The following FGGY variants were observed in gnomAD, a reference collection of about 807,000 sequenced individuals.
The protein encoded by FGGY is FGGY carbohydrate kinase domain-containing protein.
FGGY carries 72 observed loss-of-function variants against 71.3 expected under a neutral mutation model. That is an observed-to-expected ratio of 1.01 (90% CI 0.84 to 1.23). FGGY has a LOEUF of 1.23. FGGY is among the 50% of genes most tolerant of loss of function. FGGY has a pLI of 0.00. For missense variants in FGGY, 668 were observed against 682.3 expected, an observed-to-expected ratio of 0.98 and a Z score of 0.23; for synonymous variants, 251 against 250.3, an observed-to-expected ratio of 1.00 and a Z score of -0.02.
At chr1:59,396,115 A>G (rs933844246) in intron 5 of FGGY, among the ~76,000 whole-genome samples, 2 of 152,148 alleles carry the variant, frequency 1.3e-5, no homozygotes, top group Non-Finnish European at 2.9e-5. Context: ...TGGGAGTGGG[A>G]CCAAATAATT....
In FGGY at chr1:59,603,669, C is replaced by A. The variant is rs114712127; in HGVS notation, c.904-4134C>A. ...GAGTCAGGACTAGAATCACGATGGG[C>A]CTTTGTCCCGACCCATAGTTTCTCT... is the stretch of plus-strand genomic sequence containing the variant. On this transcript the variant is annotated intron_variant, in intron 8 of 15. Coordinates refer to ENST00000303721, the MANE Select transcript of FGGY (RefSeq NM_018291.5). 3.4e-3 allele frequency among the ~76,000 whole-genome samples: 525 copies of A among 152,272 alleles called. 6 individuals carry two copies. The highest frequency in any genetic ancestry group is 0.012 in the African/African-American group (494 of 41,544).
At chr1:59,676,883 T>G (rs1318112941) in intron 14 of FGGY, among the ~76,000 whole-genome samples, 1 of 152,176 alleles carries the variant, frequency 6.6e-6, no homozygotes, top group African/African-American at 2.4e-5. Context: ...AGTCTGGAGC[T>G]CTGTGCTTGC....
Position 59,682,007 on chromosome 1 carries a change from G to A in FGGY, c.1512+7874G>A, listed in dbSNP as rs143105154. ...CTGCAGTGAACCATAAAAAACTAGC[G>A]TGGGATCAGAATCTTGAGTAGCATG... On this transcript the variant is annotated intron_variant, in intron 14 of 15. Coordinates refer to ENST00000303721, the MANE Select transcript of FGGY (RefSeq NM_018291.5). 3.2e-4 allele frequency among the ~76,000 whole-genome samples: 49 copies of A among 152,230 alleles called. No individual in the cohort carries two copies. In the East Asian group the frequency reaches 5.4e-3, roughly 17 times the overall value.
At chr1:59,460,102 G>A (rs376561508) in intron 6 of FGGY, among the ~76,000 whole-genome samples, 1 of 152,044 alleles carries the variant, frequency 6.6e-6, no homozygotes, top group African/African-American at 2.4e-5. Flanking sequence ...GGGTTTCCTC[G>A]ACCCGGGAAG....
intron 8 of FGGY, among the ~76,000 whole-genome samples, chr1:59,588,259 A>G (rs189176888): frequency 6.6e-6 from 1 of 152,266 alleles, no homozygotes; most frequent in African/African-American, 2.4e-5. Flanking sequence ...GAATAAAAAG[A>G]AACGAACAAA....
At chr1:59,657,606 G>T (rs1401070550) in intron 11 of FGGY, among the ~76,000 whole-genome samples, 2 of 152,166 alleles carry the variant, frequency 1.3e-5, no homozygotes, top group Non-Finnish European at 2.9e-5. Context: ...TCATTGCCAG[G>T]ACCACTGCAT....
At chr1:59,700,981 A>G (rs1226796681) in intron 14 of FGGY, among the ~76,000 whole-genome samples, 1 of 152,168 alleles carries the variant, frequency 6.6e-6, no homozygotes, top group Non-Finnish European at 1.5e-5. Context: ...TGTGTTGAGT[A>G]AGGAGAATAC....
chr1:59,381,628 CGTGTGTGTGTGTGTGTGTGTGTGTGT>C (rs113981398), intron 5 of FGGY, among the ~76,000 whole-genome samples: 1 of 143,206 alleles, frequency 7.0e-6, no homozygotes, highest in Non-Finnish European at 1.5e-5. Flanking sequence ...ATGTATAACT[CGTGTGTGTGTGTGTGTGTGTGTGTGT>C]GTGTGTGTGT....
chr1:59,741,117 T>A (rs2098143239), intron 14 of FGGY, among the ~76,000 whole-genome samples: 1 of 152,244 alleles, frequency 6.6e-6, no homozygotes, highest in Admixed American at 6.5e-5. Context: ...ACAGTGCTGC[T>A]GTAAACCTTT....
chr1:59,461,741 G>A (rs1381740973), intron 6 of FGGY, among the ~76,000 whole-genome samples: 2 of 152,166 alleles, frequency 1.3e-5, no homozygotes, highest in African/African-American at 4.8e-5. Flanking sequence ...CTACCAGCCA[G>A]AAGAGAGTGG....
At chr1:59,358,926 G>T (rs1298000292) in intron 4 of FGGY, among the ~76,000 whole-genome samples, 1 of 152,192 alleles carries the variant, frequency 6.6e-6, no homozygotes, top group Non-Finnish European at 1.5e-5. Context: ...GAGGATGGAG[G>T]GAGTTAAGTA....
At position 59,360,375 on chromosome 1, in the gene FGGY, A is replaced by G. The variant is rs1476189522; in HGVS notation, c.465+13977A>G. Among the ~76,000 whole-genome samples the G allele has an allele frequency of 2.6e-5, 4 of 152,266 alleles. No homozygotes were observed. The East Asian group carries it at 7.7e-4, about 29-fold the overall frequency. Reference sequence around the variant, plus strand: ...TTGGCTTTGGCTGGGAGTCACAGACAAGCCCACGGACCTGAGAAAGAGAGT... The same window carrying G: ...TTGGCTTTGGCTGGGAGTCACAGACGAGCCCACGGACCTGAGAAAGAGAGT... On this transcript the variant is annotated intron_variant, in intron 4 of 15. Transcript: ENST00000303721.
intron 10 of FGGY, among the ~76,000 whole-genome samples, chr1:59,629,447 T>C (rs2096888438): frequency 6.6e-6 from 1 of 152,188 alleles, no homozygotes. Context: ...TAGGAGTCTT[T>C]AGTTATAATG....
intron 12 of FGGY, among the ~76,000 whole-genome samples, chr1:59,666,356 C>G (rs541655941): frequency 6.6e-6 from 1 of 152,322 alleles, no homozygotes; most frequent in East Asian, 1.9e-4. Context: ...CATGTGGCTG[C>G]CCCCTTATGG....
chr1:59,557,607 CAG>C (rs774640658), intron 8 of FGGY, among the ~76,000 whole-genome samples: 3 of 152,140 alleles, frequency 2.0e-5, no homozygotes, highest in Non-Finnish European at 2.9e-5. Flanking sequence ...ATTTAATTAA[CAG>C]GGGAAAAATG....
At chr1:59,748,658 A>G (rs2098220357) in intron 14 of FGGY, among the ~76,000 whole-genome samples, 1 of 152,222 alleles carries the variant, frequency 6.6e-6, no homozygotes. Flanking sequence ...AAGCGATGGA[A>G]CACTGTTGCA....
intron 14 of FGGY, among the ~76,000 whole-genome samples, chr1:59,702,032 G>A (rs1213667026): frequency 4.6e-5 from 7 of 152,182 alleles, no homozygotes; most frequent in Admixed American, 2.6e-4. Context: ...TACAGTCATG[G>A]TGGAGGGTGA....
At chr1:59,644,912 G>A (rs2097076759) in intron 11 of FGGY, among the ~76,000 whole-genome samples, 1 of 151,978 alleles carries the variant, frequency 6.6e-6, no homozygotes. Flanking sequence ...AGGAGGCAGA[G>A]GTTGCCGTGG....
intron 6 of FGGY, among the ~76,000 whole-genome samples, chr1:59,478,994 G>A (rs527591179): frequency 6.6e-6 from 1 of 152,340 alleles, no homozygotes; most frequent in East Asian, 1.9e-4. Context: ...ATAATAGTGA[G>A]GCAGAAGATA....
Sources: gnomAD v4.1 joint callset for allele counts (sites outside exome capture counted in the v4.1 genomes callset) on GRCh38, gnomAD v4.1.1 for gene constraint, MANE v1.5 for transcripts, NCBI Gene and HGNC (gene_info 2026-07-23, HGNC 2026-07-21) for gene names.